DNAH6: variants seen among roughly 807,000 people sequenced by gnomAD.
DNAH6 encodes dynein axonemal heavy chain 6, also known as axonemal beta dynein heavy chain 6.
A neutral mutation model predicts 491.4 loss-of-function variants in DNAH6; 340 were observed. That is an observed-to-expected ratio of 0.69 (90% CI 0.63 to 0.76). The LOEUF (loss-of-function observed/expected upper bound fraction) is 0.76, where lower values mean the gene tolerates loss of function less well. Among genes scored for constraint, DNAH6 ranks in the 30% least tolerant of loss-of-function variants. The pLI is 0.00. For synonymous variants in DNAH6, 1,603 were observed against 1,686.1 expected (o/e 0.95, Z 1.21); for missense variants, 4,443 against 4,972.2 (o/e 0.89, Z 3.20).
chr2:84,596,393 G>A (rs1018380059), intron 18 of DNAH6, among the ~76,000 whole-genome samples: 89 of 151,888 alleles, frequency 5.9e-4, no homozygotes, highest in African/African-American at 2.0e-3. Flanking sequence ...GCACGATCTC[G>A]GCTCACTGCA....
At chr2:84,476,140 A>C in the DNAH6 span, among the ~76,000 whole-genome samples, 340 of 152,362 alleles carry the variant, frequency 2.2e-3, 2 homozygotes, top group Middle Eastern at 0.027. Context: ...TCTATTATCA[A>C]GAGAAACTTT....
chr2:84,640,774 G>T (rs1689317457), intron 32 of DNAH6, among the ~76,000 whole-genome samples, 196 bp downstream of exon 32: 1 of 152,186 alleles, frequency 6.6e-6, no homozygotes, highest in Non-Finnish European at 1.5e-5. Flanking sequence ...GTTCTTCACT[G>T]TGAGTCCTAA....
chr2:84,769,997 C>A (rs1484808437), intron 64 of DNAH6, among the ~76,000 whole-genome samples: 1 of 152,180 alleles, frequency 6.6e-6, no homozygotes, highest in African/African-American at 2.4e-5. Flanking sequence ...AAGGCTAATG[C>A]AGATTTGTAA....
rs895959669 is a variant in DNAH6, at chr2:84,808,429, G to A, written c.11626G>A (p.Glu3876Lys). Residue 3876 changes from glutamate (E) to lysine (K), a missense_variant, in exon 72 of 77, where the codon GAG becomes AAG. Glu to Lys is a moderately conservative substitution (Grantham distance 56). Coordinates refer to ENST00000389394, the MANE Select transcript of DNAH6 (RefSeq NM_001370.2). ...GTATGTTTCAGAAAAACTGGAAATG[G>A]AGGGTGCTTCTGAGAGCCTTTTTGT... Reference protein sequence around the residue: ...QTRVPEKLEMEGASESLFVKD... With the variant: ...QTRVPEKLEMKGASESLFVKD... The A allele has an allele frequency of 2.0e-6, 3 of 1,537,500 alleles. No homozygotes were observed. Among genetic ancestry groups the A allele is most frequent in the Non-Finnish European group, 2.6e-6 (3 of 1,142,130 alleles).
chr2:84,652,802 C>T (rs1477346989), intron 33 of DNAH6, among the ~76,000 whole-genome samples: 2 of 151,742 alleles, frequency 1.3e-5, no homozygotes, highest in Non-Finnish European at 2.9e-5. Flanking sequence ...CACATTTTTC[C>T]TTCCTTCTTG....
At chr2:84,674,395 C>G (rs973553855) in intron 40 of DNAH6, among the ~76,000 whole-genome samples, 2 of 152,098 alleles carry the variant, frequency 1.3e-5, no homozygotes, top group Non-Finnish European at 2.9e-5. Context: ...TTCTGTCTAT[C>G]AAAATGAGAG....
In DNAH6 at chr2:84,621,279, G is replaced by A. The variant is rs185981876; in HGVS notation, c.3881G>A (p.Arg1294His). ...GAAGCCATGTTCACATCTCTGCGTC[G>A]CCTGTGCAAAGCTGCCATCGCTGAC... ...VEEAMFTSLR[R>H]LCKAAIADYQ... The change falls in exon 25 of 77, where the codon CGC (arginine) becomes CAC (histidine). Residue 1294 changes from arginine (R) to histidine (H), a missense_variant. Transcript: ENST00000389394. 6.1e-5 allele frequency: 95 copies of A among 1,551,592 alleles called. No homozygotes were observed. In the African/African-American group the frequency reaches 6.8e-4, roughly 11 times the overall value.
intron 16 of DNAH6, among the ~76,000 whole-genome samples, chr2:84,591,737 G>A (rs1455740942): frequency 2.0e-5 from 3 of 152,130 alleles, no homozygotes; most frequent in Admixed American, 2.0e-4. Context: ...AATTAAAATA[G>A]TATGGTACTA....
the DNAH6 span, among the ~76,000 whole-genome samples, chr2:84,486,691 C>A: frequency 2.6e-5 from 4 of 152,190 alleles, no homozygotes; most frequent in Non-Finnish European, 5.9e-5. Flanking sequence ...ACCTGGCAGT[C>A]TTCCAGGTCT....
the DNAH6 span, among the ~76,000 whole-genome samples, chr2:84,493,354 A>G: frequency 6.6e-6 from 1 of 152,206 alleles, no homozygotes; most frequent in African/African-American, 2.4e-5. Context: ...ATATTGCCCC[A>G]TGTCATGTCA....
rs115431291 is a variant in DNAH6 at position 84,603,568 on chromosome 2, T to C, written c.2869-771T>C. On this transcript the variant is annotated intron_variant, in intron 18 of 76. Coordinates refer to ENST00000389394, the MANE Select transcript of DNAH6 (RefSeq NM_001370.2). ...GAAGGAACATTCCCTCATGTTCTCA[T>C]TAAACCTTCATCTTACGAGGCACTG... Among the ~76,000 whole-genome samples the C allele has an allele frequency of 4.5e-3, 686 of 152,276 alleles. 7 individuals carry two copies. The highest frequency in any genetic ancestry group is 7.4e-3 in the Non-Finnish European group (506 of 68,018).
At chr2:84,519,719 C>G (rs567266454) in intron 2 of DNAH6, among the ~76,000 whole-genome samples, 1 of 150,886 alleles carries the variant, frequency 6.6e-6, no homozygotes, top group South Asian at 2.1e-4. Context: ...TTCTACTCTT[C>G]TTCTTTTACA....
chr2:84,603,033 C>A (rs899110156), intron 18 of DNAH6, among the ~76,000 whole-genome samples: 2 of 151,980 alleles, frequency 1.3e-5, no homozygotes, highest in East Asian at 3.9e-4. Context: ...TCCATTAGAA[C>A]CTTTAACATG....
rs1035765329 is a variant in DNAH6 at position 84,743,607 on chromosome 2, A to G, written c.10343-1473A>G. ...GAGGCTGAGGCGAGTGGATTGCCTG[A>G]GCTCAGGAGTTGGAGACCAGCCTGG... On this transcript the variant is annotated intron_variant, in intron 62 of 76. Coordinates refer to ENST00000389394, the MANE Select transcript of DNAH6 (RefSeq NM_001370.2). Among the ~76,000 whole-genome samples the G allele has an allele frequency of 5.9e-5, 9 of 152,296 alleles. 1 individual carries two copies. In the East Asian group the frequency reaches 1.7e-3, roughly 29 times the overall value.
rs143120776 is a variant in DNAH6 at position 84,717,568 on chromosome 2, T to TG, written c.9612-628dup. On this transcript the variant is annotated intron_variant, in intron 58 of 76. Transcript: ENST00000389394. ...GATGATAACCACAGTGCCCACCTTATGGGGGGGGCATTCAAAGGATTAATA... is the reference window on the plus strand; with the variant it reads ...GATGATAACCACAGTGCCCACCTTATGGGGGGGGGCATTCAAAGGATTAATA... Among the ~76,000 whole-genome samples the TG allele has an allele frequency of 1.8e-3, 277 of 151,758 alleles. 3 individuals are homozygous for TG. Among genetic ancestry groups the TG allele is most frequent in the South Asian group, 0.018 (84 of 4,788 alleles).
intron 33 of DNAH6, 53 bp downstream of exon 33, chr2:84,642,107 G>A: frequency 8.7e-7 from 1 of 1,155,402 alleles, no homozygotes; most frequent in African/African-American, 1.6e-5. Flanking sequence ...AGAGGCAAAT[G>A]GTAGTCTTTT....
At chr2:84,800,922 C>T (rs942670250) in intron 70 of DNAH6, among the ~76,000 whole-genome samples, 1 of 151,808 alleles carries the variant, frequency 6.6e-6, no homozygotes, top group African/African-American at 2.4e-5. Flanking sequence ...AGCCATAAAA[C>T]ATGATGAGTT....
At chr2:84,471,470 C>T in the DNAH6 span, among the ~76,000 whole-genome samples, 1 of 152,218 alleles carries the variant, frequency 6.6e-6, no homozygotes, top group Non-Finnish European at 1.5e-5. Flanking sequence ...CTTCTTCATG[C>T]TGAATAGGGG....
At chr2:84,754,445 T>C (rs988673201) in intron 63 of DNAH6, among the ~76,000 whole-genome samples, 4 of 152,166 alleles carry the variant, frequency 2.6e-5, no homozygotes, top group African/African-American at 9.7e-5. Flanking sequence ...CCTCCCAAAG[T>C]GCTGGGATTA....
Sources: allele counts gnomAD v4.1 joint callset (sites outside exome capture counted in the v4.1 genomes callset), GRCh38; gene constraint gnomAD v4.1.1; transcripts MANE v1.5; gene names NCBI Gene and HGNC (gene_info 2026-07-23, HGNC 2026-07-21).